Variants in SNRPG observed in about 807,000 individuals in gnomAD.
SNRPG encodes the protein small nuclear ribonucleoprotein G.
SNRPG carries 3 observed loss-of-function variants against 13.9 expected under a neutral mutation model. That is an observed-to-expected ratio of 0.22 (90% CI 0.10 to 0.56). The LOEUF (loss-of-function observed/expected upper bound fraction) is 0.56, where lower values mean the gene tolerates loss of function less well. SNRPG is among the 20% of genes least tolerant of loss of function. The pLI is 0.93. For missense variants in SNRPG, 34 were observed against 96.1 expected (o/e 0.35, Z 2.70); for synonymous variants, 29 against 29.3 (o/e 0.99, Z 0.03).
chr2:70,287,453 T>G, intron 3 of SNRPG: 8 of 649,910 alleles, frequency 1.2e-5, no homozygotes, highest in East Asian at 2.8e-5. Context: ...CCAATGAATG[T>G]AGGAATGTTT....
Position 70,288,042 on chromosome 2 carries a change from A to C in SNRPG, c.180+26T>G, listed in dbSNP as rs6740454. 1,943 of 1,608,840 alleles carry C rather than the reference A, an allele frequency of 1.2e-3. 20 individuals are homozygous for C. In the African/African-American group the frequency reaches 0.024, roughly 20 times the overall value. ...ATTCCAAAAGAAAAATGAAATCTCCAAGAGAACTCTTGTATCTTTACTTAC... is the reference window on the plus strand; with the variant it reads ...ATTCCAAAAGAAAAATGAAATCTCCCAGAGAACTCTTGTATCTTTACTTAC... On this transcript the variant is annotated intron_variant, in intron 3 of 3. Transcript: ENST00000272348.
chr2:70,293,025 A>C (rs978019819), intron 1 of SNRPG: 8 of 627,414 alleles, frequency 1.3e-5, no homozygotes, highest in Non-Finnish European at 2.0e-5. Context: ...TGTTCTTAAA[A>C]AAAAAGAAAA....
chr2:70,286,464 T>A (rs1696945031), intron 3 of SNRPG, among the ~76,000 whole-genome samples: 1 of 152,136 alleles, frequency 6.6e-6, no homozygotes, highest in Admixed American at 6.5e-5. Flanking sequence ...TGTTATTATT[T>A]CTTTTTCAAA....
Position 70,293,674 on chromosome 2 carries a change from A to T in SNRPG, c.-25T>A, listed in dbSNP as rs752545398. 6.2e-7 allele frequency: 1 copy of T among 1,613,312 alleles called. No homozygotes were observed. Among genetic ancestry groups the T allele is most frequent in the Non-Finnish European group, 8.5e-7 (1 of 1,179,256 alleles). ...TGGTGTATACTCCGCGGGCTCACAG[A>T]TGCCTTGGAACGCAACGCACGGCTT... On this transcript the variant is annotated 5_prime_UTR_variant, in exon 1 of 4. Transcript: ENST00000272348.
intron 3 of SNRPG, among the ~76,000 whole-genome samples, chr2:70,285,052 AG>A (rs1696905368): frequency 6.6e-6 from 1 of 152,194 alleles, no homozygotes; most frequent in South Asian, 2.1e-4. Context: ...GTGGTATCAA[AG>A]GGTTACTTGT....
chr2:70,285,116 T>C (rs779169427), intron 3 of SNRPG, among the ~76,000 whole-genome samples: 2 of 152,108 alleles, frequency 1.3e-5, no homozygotes, highest in African/African-American at 4.8e-5. Context: ...ATAAGAGCAG[T>C]GATGCTGGCA....
rs1411877720 is a variant in SNRPG, at chr2:70,281,522, GTTTA to G, written c.*108_*111del. On this transcript the variant is annotated 3_prime_UTR_variant, in exon 4 of 4. Coordinates refer to ENST00000272348, the MANE Select transcript of SNRPG (RefSeq NM_003096.4). ...GAAAGCATTTTTGACTATTACAAAA[GTTTA>G]TTTAACAAAAAGTCTAATATGAAAA... The G allele has an allele frequency of 1.7e-4, 93 of 560,764 alleles. No homozygotes were observed. Among genetic ancestry groups the G allele is most frequent in the Non-Finnish European group, 6.3e-6 (2 of 318,104 alleles). 34.7% of individuals were successfully genotyped at this position (560,764 alleles called of 1,614,324 possible). A position where few individuals can be genotyped will look rare whatever the true frequency, so the allele number is the denominator to read the frequency against.
intron 1 of SNRPG, 106 bp downstream of exon 1, chr2:70,293,512 A>C (rs935446590): frequency 4.0e-6 from 4 of 1,006,188 alleles, no homozygotes; most frequent in Non-Finnish European, 6.4e-6. Context: ...CCGGAAGAAG[A>C]AATGAAGTGA....
At chr2:70,285,599 C>A (rs186255997) in intron 3 of SNRPG, among the ~76,000 whole-genome samples, 95 of 152,120 alleles carry the variant, frequency 6.2e-4, no homozygotes, top group Middle Eastern at 3.4e-3. Flanking sequence ...CACACACACA[C>A]AGAAATTTGT....
intron 2 of SNRPG, 74 bp from the exon 3 acceptor site, chr2:70,288,266 G>T: frequency 7.8e-7 from 1 of 1,286,936 alleles, no homozygotes. Context: ...AATCAGGTGG[G>T]ATAAAACACA....
chr2:70,293,004 G>GA (rs1261402690), intron 1 of SNRPG: 6 of 613,936 alleles, frequency 9.8e-6, no homozygotes, highest in East Asian at 8.2e-5. Context: ...TCTCTGACTA[G>GA]AAAAAATTAA....
chr2:70,290,710 G>T (rs901230637), intron 1 of SNRPG, among the ~76,000 whole-genome samples: 6 of 151,068 alleles, frequency 4.0e-5, no homozygotes, highest in Non-Finnish European at 4.4e-5. Context: ...TATGGGCTGG[G>T]CGCGGTGGCT....
intron 3 of SNRPG, among the ~76,000 whole-genome samples, chr2:70,285,886 T>C (rs1211426090): frequency 2.6e-5 from 4 of 152,138 alleles, no homozygotes; most frequent in South Asian, 2.1e-4. Context: ...CAGAAGATAG[T>C]TGAGATTTAT....
chr2:70,292,541 G>T (rs1486089267), intron 1 of SNRPG: 3 of 153,926 alleles, frequency 1.9e-5, no homozygotes, highest in Non-Finnish European at 4.4e-5. Flanking sequence ...AGAGACGGGG[G>T]TTTCACCATG....
Position 70,293,655 on chromosome 2 carries a change from A to G in SNRPG, c.-6T>C. ...GGAGGGTGAGCTTTGCTCATGGTGT[A>G]TACTCCGCGGGCTCACAGATGCCTT... On this transcript the variant is annotated 5_prime_UTR_variant, in exon 1 of 4. Coordinates refer to ENST00000272348, the MANE Select transcript of SNRPG (RefSeq NM_003096.4). The G allele has an allele frequency of 6.2e-7, 1 of 1,614,030 alleles. No individual in the cohort carries two copies. The highest frequency in any genetic ancestry group is 8.5e-7 in the Non-Finnish European group (1 of 1,179,884).
At chr2:70,288,014 C>T in intron 3 of SNRPG, 54 bp downstream of exon 3, 1 of 1,553,590 alleles carries the variant, frequency 6.4e-7, no homozygotes, top group South Asian at 1.1e-5. Context: ...AAAGTTAATA[C>T]ACATTCCAAA....
intron 1 of SNRPG, chr2:70,293,292 A>G: frequency 1.5e-6 from 1 of 681,084 alleles, no homozygotes; most frequent in Non-Finnish European, 2.7e-6. Flanking sequence ...ACATGATACT[A>G]TTCGAGATGT....
At chr2:70,287,362 G>A (rs755571272) in intron 3 of SNRPG, 2 of 702,562 alleles carry the variant, frequency 2.8e-6, no homozygotes, top group African/African-American at 1.7e-5. Context: ...GCTTTATTAG[G>A]TATGTTGTCC....
chr2:70,289,416 AT>A (rs771421301), intron 1 of SNRPG, 44 bp from the exon 2 acceptor site: 2 of 1,100,884 alleles, frequency 1.8e-6, no homozygotes, highest in Admixed American at 4.8e-5. Context: ...AATTAAAAAA[AT>A]TTAAGCATAA....
Sources: gnomAD v4.1 joint callset for allele counts (sites outside exome capture counted in the v4.1 genomes callset) on GRCh38, gnomAD v4.1.1 for gene constraint, MANE v1.5 for transcripts, NCBI Gene and HGNC (gene_info 2026-07-23, HGNC 2026-07-21) for gene names.